The following NRG3 variants were observed in gnomAD, a reference collection of about 807,000 sequenced individuals.
NRG3 encodes pro-neuregulin-3, membrane-bound isoform.
In NRG3, 31 loss-of-function variants were observed where a neutral mutation model predicts 66.9. The observed-to-expected ratio is 0.46, with a 90% confidence interval of 0.35 to 0.63. The LOEUF (loss-of-function observed/expected upper bound fraction) is 0.63, where lower values mean the gene tolerates loss of function less well. Among genes scored for constraint, NRG3 ranks in the 20% least tolerant of loss-of-function variants. The probability of loss-of-function intolerance (pLI) is 0.00; values close to 1 mark genes in which losing one functional copy is unlikely to be tolerated. For synonymous variants in NRG3, 393 were observed against 359.4 expected, an observed-to-expected ratio of 1.09 and a Z score of -1.06; for missense variants, 910 against 878.9, an observed-to-expected ratio of 1.04 and a Z score of -0.45.
At chr10:82,246,708 A>T (rs2077260925) in intron 1 of NRG3, among the ~76,000 whole-genome samples, 1 of 152,214 alleles carries the variant, frequency 6.6e-6, no homozygotes, top group African/African-American at 2.4e-5. Flanking sequence ...CTTAGTCTGA[A>T]TCGCAAGATT....
intron 1 of NRG3, among the ~76,000 whole-genome samples, chr10:82,240,627 A>G (rs2076966400): frequency 6.6e-6 from 1 of 152,160 alleles, no homozygotes; most frequent in Admixed American, 6.5e-5. Context: ...AGATGGCCTC[A>G]ATTGAAATGC....
At chr10:81,987,082 A>AT (rs34940289) in intron 1 of NRG3, among the ~76,000 whole-genome samples, 30 of 149,160 alleles carry the variant, frequency 2.0e-4, no homozygotes, top group East Asian at 7.8e-4. Context: ...GTGTGTGTGC[A>AT]TTTTTTTTTT....
intron 2 of NRG3, among the ~76,000 whole-genome samples, chr10:82,582,842 A>C (rs1232357174): frequency 6.6e-6 from 1 of 152,178 alleles, no homozygotes; most frequent in Non-Finnish European, 1.5e-5. Flanking sequence ...TTTAATCCAA[A>C]GTGGAAAGAA....
intron 3 of NRG3, among the ~76,000 whole-genome samples, chr10:82,763,131 G>A (rs972333261): frequency 6.6e-6 from 1 of 152,106 alleles, no homozygotes; most frequent in African/African-American, 2.4e-5. Flanking sequence ...GCTGAAATTT[G>A]GGGAACAATT....
At chr10:81,957,143 G>A (rs538292988) in intron 1 of NRG3, among the ~76,000 whole-genome samples, 2 of 152,258 alleles carry the variant, frequency 1.3e-5, no homozygotes, top group East Asian at 3.9e-4. Flanking sequence ...ATAGCCCTAG[G>A]TGATGGCAAA....
chr10:82,029,296 C>T (rs1057002262), intron 1 of NRG3, among the ~76,000 whole-genome samples: 1 of 152,102 alleles, frequency 6.6e-6, no homozygotes, highest in Non-Finnish European at 1.5e-5. Context: ...TAACTTTTCT[C>T]TGAAGAAGTA....
At chr10:82,804,335 T>A (rs1179648588) in intron 3 of NRG3, among the ~76,000 whole-genome samples, 1 of 152,234 alleles carries the variant, frequency 6.6e-6, no homozygotes, top group Non-Finnish European at 1.5e-5. Context: ...CTAATTTTGC[T>A]GTCACACATC....
intron 3 of NRG3, among the ~76,000 whole-genome samples, chr10:82,840,808 C>A (rs1001923520): frequency 2.0e-5 from 3 of 152,010 alleles, no homozygotes; most frequent in Admixed American, 6.6e-5. Context: ...CAAGAGAAAG[C>A]CTGGAATTAG....
intron 4 of NRG3, among the ~76,000 whole-genome samples, chr10:82,921,112 A>G (rs1174653350): frequency 3.3e-5 from 5 of 152,112 alleles, no homozygotes; most frequent in Non-Finnish European, 7.4e-5. Context: ...ATGTCAAGTA[A>G]GGTGATCAAG....
chr10:82,753,154 T>A (rs993921181), intron 3 of NRG3, among the ~76,000 whole-genome samples: 1 of 152,218 alleles, frequency 6.6e-6, no homozygotes, highest in South Asian at 2.1e-4. Flanking sequence ...GACATGACGG[T>A]TTGTTTTATG....
intron 2 of NRG3, among the ~76,000 whole-genome samples, chr10:82,528,980 G>A (rs1053858552): frequency 1.3e-5 from 2 of 152,090 alleles, no homozygotes. Context: ...TAATAAAATT[G>A]TCATTAATAA....
intron 2 of NRG3, among the ~76,000 whole-genome samples, chr10:82,391,070 G>T (rs1035626514): frequency 6.6e-6 from 1 of 152,154 alleles, no homozygotes; most frequent in African/African-American, 2.4e-5. Context: ...TTAGCTTTTG[G>T]CTCAAGTGAC....
intron 2 of NRG3, among the ~76,000 whole-genome samples, chr10:82,585,698 C>G (rs1173391076): frequency 6.6e-6 from 1 of 152,194 alleles, no homozygotes; most frequent in African/African-American, 2.4e-5. Context: ...CTCACCTACA[C>G]TCTCTAAGCC....
intron 1 of NRG3, among the ~76,000 whole-genome samples, chr10:81,900,491 C>A (rs1185361848): frequency 2.6e-5 from 4 of 152,206 alleles, no homozygotes; most frequent in Non-Finnish European, 5.9e-5. Context: ...ACTCCATATC[C>A]AGTGTCATGT....
chr10:82,209,285 T>C (rs1359579843), intron 1 of NRG3, among the ~76,000 whole-genome samples: 2 of 152,118 alleles, frequency 1.3e-5, no homozygotes, highest in Non-Finnish European at 2.9e-5. Context: ...TTTACCAAAA[T>C]CAAGATTCCT....
chr10:82,599,912 T>C (rs2047513956), intron 2 of NRG3, among the ~76,000 whole-genome samples: 1 of 152,180 alleles, frequency 6.6e-6, no homozygotes, highest in South Asian at 2.1e-4. Flanking sequence ...ATTAGAATGA[T>C]ATTAAGCATC....
At chr10:82,697,064 C>A (rs1177718959) in intron 2 of NRG3, among the ~76,000 whole-genome samples, 7 of 152,084 alleles carry the variant, frequency 4.6e-5, no homozygotes, top group African/African-American at 1.7e-4. Context: ...CTATCAGATG[C>A]TGATATATAA....
At chr10:82,128,406 G>T (rs963897348) in intron 1 of NRG3, among the ~76,000 whole-genome samples, 1 of 151,962 alleles carries the variant, frequency 6.6e-6, no homozygotes, top group South Asian at 2.1e-4. Context: ...AGCAGTTGCT[G>T]GAAAATGACA....
intron 2 of NRG3, among the ~76,000 whole-genome samples, chr10:82,498,039 G>GA (rs1438240585): frequency 6.7e-6 from 1 of 150,170 alleles, no homozygotes; most frequent in Non-Finnish European, 1.5e-5. Context: ...GTATTCTTTG[G>GA]AAAAAAATGT....
Sources: allele counts gnomAD v4.1 joint callset (sites outside exome capture counted in the v4.1 genomes callset), GRCh38; gene constraint gnomAD v4.1.1; transcripts MANE v1.5; gene names NCBI Gene and HGNC (gene_info 2026-07-23, HGNC 2026-07-21).